Variants in NEGR1 observed in about 807,000 individuals in gnomAD.
The protein encoded by NEGR1 is IgLON family member 4.
In NEGR1, 10 loss-of-function variants were observed where a neutral mutation model predicts 40.9. The ratio of observed to expected loss-of-function variants is 0.24; its 90% CI spans 0.15 to 0.42. The LOEUF (loss-of-function observed/expected upper bound fraction) is 0.42, where lower values mean the gene tolerates loss of function less well. Ranked by LOEUF, NEGR1 falls within the 10% of genes least tolerant of loss-of-function variation. NEGR1 has a pLI of 1.00. For synonymous variants in NEGR1, 185 were observed against 166.8 expected (o/e 1.11, Z -0.84); for missense variants, 352 against 438.9 (o/e 0.80, Z 1.77).
chr1:71,662,894 T>C (rs189609405), intron 4 of NEGR1, among the ~76,000 whole-genome samples: 1 of 152,054 alleles, frequency 6.6e-6, no homozygotes, highest in African/African-American at 2.4e-5. Context: ...AGTATTTATA[T>C]CCAGTAATAT....
At chr1:71,983,898 A>G (rs563891654) in intron 1 of NEGR1, among the ~76,000 whole-genome samples, 2 of 152,308 alleles carry the variant, frequency 1.3e-5, no homozygotes, top group African/African-American at 4.8e-5. Context: ...TAAAAATAAT[A>G]ATCTATTCTT....
At chr1:71,942,887 G>C (rs1433195678) in intron 1 of NEGR1, among the ~76,000 whole-genome samples, 1 of 148,210 alleles carries the variant, frequency 6.7e-6, no homozygotes, top group Non-Finnish European at 1.5e-5. Flanking sequence ...CTGCAGCCTC[G>C]AACTCCTGGA....
intron 1 of NEGR1, among the ~76,000 whole-genome samples, chr1:72,240,230 A>T (rs781595955): frequency 1.3e-5 from 2 of 151,892 alleles, no homozygotes; most frequent in African/African-American, 2.4e-5. Context: ...GGATGAGACA[A>T]TGTTGAAGAT....
At chr1:71,597,464 C>G (rs1378884479) in intron 5 of NEGR1, among the ~76,000 whole-genome samples, 3,775 of 18,776 alleles carry the variant, frequency 0.2, 193 homozygotes, top group African/African-American at 0.23. Flanking sequence ...CTCTCTCTCT[C>G]TCTCTCTCTG....
At chr1:71,696,963 T>C (rs1304039089) in intron 4 of NEGR1, among the ~76,000 whole-genome samples, 1 of 151,950 alleles carries the variant, frequency 6.6e-6, no homozygotes, top group Middle Eastern at 3.4e-3. Flanking sequence ...CCTAAGTATA[T>C]AGATTAGTCA....
chr1:71,645,303 A>T, intron 4 of NEGR1, among the ~76,000 whole-genome samples: 1 of 152,132 alleles, frequency 6.6e-6, no homozygotes, highest in East Asian at 1.9e-4. Flanking sequence ...GTTGACTGTT[A>T]GGTAAATAAA....
chr1:71,431,057 TTTTTTTTTATGATCTTTTTTTTATGACC>T (rs1189212213), intron 6 of NEGR1, among the ~76,000 whole-genome samples: 1 of 141,524 alleles, frequency 7.1e-6, no homozygotes, highest in Non-Finnish European at 1.6e-5. Flanking sequence ...AAAAAAGACT[TTTTTTTTTATGATCTTTTTTTTATGACC>T]TTTTTTTTAT....
chr1:71,573,994 C>A (rs374090665), intron 6 of NEGR1, among the ~76,000 whole-genome samples: 15 of 152,192 alleles, frequency 9.9e-5, no homozygotes, highest in Admixed American at 8.5e-4. Context: ...CTTTGTTGTT[C>A]CCTGTTTTGT....
At chr1:72,269,242 T>C (rs1655761118) in intron 1 of NEGR1, among the ~76,000 whole-genome samples, 1 of 151,660 alleles carries the variant, frequency 6.6e-6, no homozygotes, top group Non-Finnish European at 1.5e-5. Flanking sequence ...AAGGAACTTT[T>C]ATAGGTCTCT....
intron 1 of NEGR1, among the ~76,000 whole-genome samples, chr1:72,047,040 C>A (rs1388681141): frequency 6.6e-6 from 1 of 151,438 alleles, no homozygotes; most frequent in African/African-American, 2.4e-5. Flanking sequence ...CCTTTCCATA[C>A]TTAGTATCAA....
chr1:71,588,064 C>T (rs1557577635), intron 6 of NEGR1, among the ~76,000 whole-genome samples: 1 of 152,088 alleles, frequency 6.6e-6, no homozygotes, highest in Non-Finnish European at 1.5e-5. Context: ...GCGTGTACAA[C>T]ATGTTTTACT....
At chr1:71,801,784 A>T (rs946068647) in intron 2 of NEGR1, among the ~76,000 whole-genome samples, 1 of 152,172 alleles carries the variant, frequency 6.6e-6, no homozygotes, top group Non-Finnish European at 1.5e-5. Context: ...ACACTCCAAT[A>T]GTTTCTTATC....
chr1:71,466,593 T>C (rs1646747809), intron 6 of NEGR1, among the ~76,000 whole-genome samples: 1 of 151,966 alleles, frequency 6.6e-6, no homozygotes, highest in African/African-American at 2.4e-5. Flanking sequence ...GTAGGCCTCG[T>C]TGAGAAGTCA....
chr1:71,640,362 AAAGGAT>A (rs1651308109), intron 4 of NEGR1, among the ~76,000 whole-genome samples: 1 of 151,976 alleles, frequency 6.6e-6, no homozygotes, highest in African/African-American at 2.4e-5. Flanking sequence ...AAACTGAAAC[AAAGGAT>A]GCATTGATAT....
chr1:72,043,713 A>G (rs895032924), intron 1 of NEGR1, among the ~76,000 whole-genome samples: 2 of 151,898 alleles, frequency 1.3e-5, no homozygotes, highest in Admixed American at 6.6e-5. Context: ...GTTTTCCATC[A>G]TGATCGAAAT....
chr1:71,586,996 G>A (rs147694193), intron 6 of NEGR1, among the ~76,000 whole-genome samples: 2,729 of 152,136 alleles, frequency 0.018, 52 homozygotes, highest in Non-Finnish European at 0.024. Context: ...GTCTCACACA[G>A]CACTCTGTCT....
At chr1:71,539,548 A>C (rs966940325) in intron 6 of NEGR1, among the ~76,000 whole-genome samples, 1 of 151,704 alleles carries the variant, frequency 6.6e-6, no homozygotes, top group African/African-American at 2.4e-5. Flanking sequence ...GTTCGAGTAG[A>C]TGTGTGTATA....
chr1:71,466,968 G>A (rs1212776396), intron 6 of NEGR1, among the ~76,000 whole-genome samples: 1 of 152,090 alleles, frequency 6.6e-6, no homozygotes, highest in African/African-American at 2.4e-5. Context: ...CCTTAAGCCG[G>A]TTCTTACACA....
intron 1 of NEGR1, among the ~76,000 whole-genome samples, chr1:71,942,994 ATATGTGTGTG>A (rs1272117301): frequency 2.3e-3 from 327 of 141,594 alleles, no homozygotes; most frequent in Middle Eastern, 3.9e-3. Context: ...ATGTGTATAT[ATATGTGTGTG>A]TATATATATA....
Sources: allele counts gnomAD v4.1 joint callset (sites outside exome capture counted in the v4.1 genomes callset), GRCh38; gene constraint gnomAD v4.1.1; transcripts MANE v1.5; gene names NCBI Gene and HGNC (gene_info 2026-07-23, HGNC 2026-07-21).